Variants in BEND5 observed in about 807,000 individuals in gnomAD.
The protein encoded by BEND5 is BEN domain containing 5.
BEND5 carries 22 observed loss-of-function variants against 43.9 expected under a neutral mutation model. The ratio of observed to expected loss-of-function variants is 0.50; its 90% confidence interval spans 0.36 to 0.72. The LOEUF is 0.72. Among genes scored for constraint, BEND5 ranks in the 30% least tolerant of loss-of-function variants. The pLI is 0.00. For missense variants in BEND5, 428 were observed against 550.6 expected, an observed-to-expected ratio of 0.78 and a Z score of 2.23; for synonymous variants, 228 against 225.9, an observed-to-expected ratio of 1.01 and a Z score of -0.08.
chr1:48,762,322 T>G (rs1644304633), intron 1 of BEND5, among the ~76,000 whole-genome samples: 1 of 152,254 alleles, frequency 6.6e-6, no homozygotes, highest in African/African-American at 2.4e-5. Flanking sequence ...CTGTTTCTTT[T>G]TCTGCACAGA....
intron 1 of BEND5, among the ~76,000 whole-genome samples, chr1:48,774,357 C>T (rs1302363062): frequency 1.3e-5 from 2 of 152,114 alleles, no homozygotes; most frequent in East Asian, 3.8e-4. Context: ...AGGAGTTATT[C>T]CAGGGTAATG....
intron 1 of BEND5, among the ~76,000 whole-genome samples, chr1:48,770,265 T>C (rs1030079946): frequency 2.0e-5 from 3 of 152,222 alleles, no homozygotes; most frequent in Non-Finnish European, 4.4e-5. Context: ...TTAGCTGTCC[T>C]ATCCTATGTC....
intron 1 of BEND5, among the ~76,000 whole-genome samples, chr1:48,762,363 C>T (rs1010433005): frequency 6.6e-6 from 1 of 152,216 alleles, no homozygotes; most frequent in Admixed American, 6.5e-5. Context: ...ATTTGTCTCT[C>T]ACTGGATATG....
In BEND5 at chr1:48,745,743, T is replaced by G. The variant is rs1397623369; in HGVS notation, c.746-2972A>C. 2.0e-5 allele frequency among the ~76,000 whole-genome samples: 3 copies of G among 152,144 alleles called. No homozygotes were observed. In the East Asian group the frequency reaches 5.8e-4, roughly 29 times the overall value. On this transcript the variant is annotated intron_variant, in intron 3 of 5. Coordinates refer to ENST00000371833, the MANE Select transcript of BEND5 (RefSeq NM_024603.4). ...AAATAATTATCTCTAGCCCTTGGCT[T>G]GGGATTTGGAGACAGAGCTCCAAAT...
chr1:48,764,051 G>C (rs1204703891), intron 1 of BEND5, among the ~76,000 whole-genome samples: 1 of 152,034 alleles, frequency 6.6e-6, no homozygotes, highest in Non-Finnish European at 1.5e-5. Context: ...CTGGCCCGGG[G>C]GACACAGATG....
chr1:48,776,520 C>G (rs879717809), intron 1 of BEND5, 86 bp downstream of exon 1: 85 of 1,001,334 alleles, frequency 8.5e-5, no homozygotes, highest in Non-Finnish European at 1.1e-4. Flanking sequence ...TGGCTCCCCC[C>G]GGTCCCCTCC....
chr1:48,766,234 G>T (rs1243320057), intron 1 of BEND5, among the ~76,000 whole-genome samples: 1 of 151,970 alleles, frequency 6.6e-6, no homozygotes, highest in African/African-American at 2.4e-5. Flanking sequence ...CAAAAAAGAA[G>T]AAATGAGGCT....
At chr1:48,768,271 T>G (rs1365750857) in intron 1 of BEND5, among the ~76,000 whole-genome samples, 4 of 152,146 alleles carry the variant, frequency 2.6e-5, no homozygotes, top group Non-Finnish European at 5.9e-5. Context: ...AATTCCCAAG[T>G]TGAAGTAAAC....
At chr1:48,762,236 T>G (rs1274602820) in intron 1 of BEND5, among the ~76,000 whole-genome samples, 1 of 152,216 alleles carries the variant, frequency 6.6e-6, no homozygotes, top group Admixed American at 6.5e-5. Flanking sequence ...ACATACTGAA[T>G]GTAAAGTGCT....
chr1:48,775,826 G>A (rs995874218), intron 1 of BEND5, among the ~76,000 whole-genome samples: 4 of 152,212 alleles, frequency 2.6e-5, no homozygotes, highest in South Asian at 2.1e-4. Flanking sequence ...GCCCTGGCAG[G>A]GCAGGGATGA....
chr1:48,761,338 T>C lies in BEND5; in HGVS notation c.359A>G (p.Lys120Arg). The change falls in exon 2 of 6, where the codon AAG (lysine) becomes AGG (arginine). Residue 120 changes from lysine to arginine, a missense_variant and splice_region_variant. Transcript: ENST00000371833. The part of the protein sequence containing the change: ...GEEDLQLRHI[K>R]RPEGRKPSEV... ...CAAAGAAAGGAAAGATTTTGTTACC[T>C]TGATGTGTCTAAGCTGTAAATCTTC... 6.5e-7 allele frequency: 1 copy of C among 1,548,476 alleles called. No individual in the cohort carries two copies. The highest frequency in any genetic ancestry group is 8.7e-7 in the Non-Finnish European group (1 of 1,145,876).
intron 3 of BEND5, among the ~76,000 whole-genome samples, chr1:48,748,793 G>A (rs1405454240): frequency 6.6e-6 from 1 of 152,102 alleles, no homozygotes; most frequent in South Asian, 2.1e-4. Context: ...TGATGGATGC[G>A]CGACATCTTG....
At chr1:48,750,725 G>T (rs1342468184) in intron 3 of BEND5, among the ~76,000 whole-genome samples, 1 of 152,226 alleles carries the variant, frequency 6.6e-6, no homozygotes, top group African/African-American at 2.4e-5. Context: ...TAATGAGATA[G>T]GCTGCACTGG....
intron 3 of BEND5, among the ~76,000 whole-genome samples, chr1:48,753,608 A>G (rs532698683): frequency 7.2e-5 from 11 of 152,328 alleles, no homozygotes; most frequent in African/African-American, 2.6e-4. Flanking sequence ...GTTGAAACAG[A>G]TATGCAGGCC....
chr1:48,735,568 G>A (rs1648908526), intron 5 of BEND5, among the ~76,000 whole-genome samples: 1 of 151,774 alleles, frequency 6.6e-6, no homozygotes, highest in Admixed American at 6.6e-5. Context: ...GAGGGAGGAA[G>A]AGAAAATTCC....
At chr1:48,749,426 A>G (rs572561112) in intron 3 of BEND5, among the ~76,000 whole-genome samples, 1 of 152,160 alleles carries the variant, frequency 6.6e-6, no homozygotes, top group Non-Finnish European at 1.5e-5. Flanking sequence ...TGGTCCTACA[A>G]AATCGATCTT....
At chr1:48,769,374 T>C (rs536655605) in intron 1 of BEND5, among the ~76,000 whole-genome samples, 11 of 152,158 alleles carry the variant, frequency 7.2e-5, no homozygotes, top group Admixed American at 1.3e-4. Context: ...GTTCATTCTA[T>C]GGAGCCATTT....
chr1:48,776,544 G>C, intron 1 of BEND5, 62 bp downstream of exon 1: 19 of 1,190,966 alleles, frequency 1.6e-5, no homozygotes, highest in Non-Finnish European at 2.1e-5. Flanking sequence ...CGGGCCCCCG[G>C]CCCCTCCCGG....
At chr1:48,756,269 T>C (rs1259598615) in intron 3 of BEND5, among the ~76,000 whole-genome samples, 1 of 152,236 alleles carries the variant, frequency 6.6e-6, no homozygotes, top group Non-Finnish European at 1.5e-5. Flanking sequence ...AAAAGTTGTT[T>C]CCTTCAGGAA....
Sources: allele counts gnomAD v4.1 joint callset (sites outside exome capture counted in the v4.1 genomes callset), GRCh38; gene constraint gnomAD v4.1.1; transcripts MANE v1.5; gene names NCBI Gene and HGNC (gene_info 2026-07-23, HGNC 2026-07-21).